The following SRRM4 variants were observed in gnomAD, a reference collection of about 807,000 sequenced individuals.
The protein encoded by SRRM4 is serine/arginine repetitive matrix protein 4.
In SRRM4, 33 loss-of-function variants were observed where a neutral mutation model predicts 68.9. That is an observed-to-expected ratio of 0.48 (90% confidence interval 0.36 to 0.64). The LOEUF (loss-of-function observed/expected upper bound fraction) is 0.64, where lower values mean the gene tolerates loss of function less well. Ranked by LOEUF, SRRM4 falls within the 30% of genes least tolerant of loss-of-function variation. The pLI, the probability that SRRM4 is intolerant of heterozygous loss-of-function variation, is 0.00. For synonymous variants in SRRM4, 318 were observed against 318.8 expected (o/e 1.00, Z 0.03); for missense variants, 817 against 827.1 (o/e 0.99, Z 0.15).
intron 5 of SRRM4, among the ~76,000 whole-genome samples, chr12:119,120,960 G>T (rs1954215754): frequency 1.3e-5 from 2 of 152,216 alleles, no homozygotes; most frequent in Non-Finnish European, 1.5e-5. Flanking sequence ...AGAGCAATCT[G>T]CAAAATGCAA....
At chr12:119,123,201 G>C (rs997612092) in intron 6 of SRRM4, among the ~76,000 whole-genome samples, 1 of 152,124 alleles carries the variant, frequency 6.6e-6, no homozygotes, top group Non-Finnish European at 1.5e-5. Context: ...TGCCCCAAAC[G>C]GTCTTTTCAC....
intron 1 of SRRM4, among the ~76,000 whole-genome samples, chr12:119,010,249 C>T (rs942264174): frequency 5.9e-5 from 9 of 152,206 alleles, no homozygotes; most frequent in African/African-American, 1.9e-4. Context: ...GACGGGGTTT[C>T]GCCATGTTGG....
intron 9 of SRRM4, among the ~76,000 whole-genome samples, chr12:119,148,457 A>G (rs1300127019): frequency 1.3e-5 from 2 of 152,250 alleles, no homozygotes; most frequent in African/African-American, 4.8e-5. Flanking sequence ...GCTATTATGC[A>G]GGAAAAATTG....
rs779236540 is a variant in SRRM4, at chr12:119,160,295, C to T, written c.*3497C>T. 1 of 45,596 alleles carries T rather than the reference C, an allele frequency of 2.2e-5. No homozygotes were observed. Among genetic ancestry groups the T allele is most frequent in the Non-Finnish European group, 4.4e-5 (1 of 22,908 alleles). 2.8% of individuals were successfully genotyped at this position (45,596 alleles called of 1,614,324 possible). ...TCTCTCTGTCTCTCTCTCTGTCTCT[C>T]TCTCTCTCTCTCTCTCTCTCTCTCT... On this transcript the variant is annotated 3_prime_UTR_variant, in exon 13 of 13. Coordinates refer to ENST00000267260, the MANE Select transcript of SRRM4 (RefSeq NM_194286.4).
At chr12:118,998,575 C>T (rs1415712268) in intron 1 of SRRM4, among the ~76,000 whole-genome samples, 2 of 152,222 alleles carry the variant, frequency 1.3e-5, no homozygotes, top group East Asian at 3.8e-4. Flanking sequence ...TCATCACATT[C>T]ACTATTTCAT....
intron 3 of SRRM4, among the ~76,000 whole-genome samples, chr12:119,115,655 A>G (rs990795688): frequency 2.0e-5 from 3 of 152,188 alleles, no homozygotes; most frequent in Non-Finnish European, 4.4e-5. Flanking sequence ...AGGAGATGAA[A>G]TTGAGGCAAG....
chr12:119,045,293 A>G (rs370781047), intron 1 of SRRM4, among the ~76,000 whole-genome samples: 2 of 123,618 alleles, frequency 1.6e-5, no homozygotes, highest in Non-Finnish European at 3.5e-5. Context: ...AGGAAGACCC[A>G]CCCCCGCCCC....
chr12:119,132,511 G>A (rs976480457), intron 8 of SRRM4, among the ~76,000 whole-genome samples: 2 of 152,176 alleles, frequency 1.3e-5, no homozygotes, highest in African/African-American at 4.8e-5. Context: ...GGAAGCAACT[G>A]GCTTATACAT....
intron 1 of SRRM4, among the ~76,000 whole-genome samples, chr12:119,056,040 C>T (rs1369996573): frequency 1.3e-5 from 2 of 152,218 alleles, no homozygotes; most frequent in Non-Finnish European, 2.9e-5. Context: ...TCCAGATTTG[C>T]TGTGTACACC....
chr12:119,144,327 G>A lies in SRRM4; in HGVS notation c.772-1054G>A, dbSNP rs185994936. On this transcript the variant is annotated intron_variant, in intron 8 of 12. Coordinates refer to ENST00000267260, the MANE Select transcript of SRRM4 (RefSeq NM_194286.4). ...ACTTGGGCCCTAAGGGATTGATTAG[G>A]TTGGCTAGGTTAGGTCCCCTTTATG... Among the ~76,000 whole-genome samples the A allele has an allele frequency of 1.1e-4, 17 of 152,280 alleles. No individual in the cohort carries two copies. The East Asian group carries it at 3.1e-3, about 28-fold the overall frequency.
At chr12:119,151,410 A>C (rs1408654779) in intron 10 of SRRM4, among the ~76,000 whole-genome samples, 190 bp downstream of exon 10, 2 of 150,562 alleles carry the variant, frequency 1.3e-5, no homozygotes, top group Non-Finnish European at 3.0e-5. Context: ...TCCCATCTGC[A>C]ATATGAAGAA....
intron 8 of SRRM4, chr12:119,133,204 A>C (rs1178879994): frequency 6.6e-6 from 1 of 152,220 alleles, no homozygotes; most frequent in Non-Finnish European, 1.5e-5. Context: ...TCAATGACAC[A>C]ATGTAAGTAA....
intron 1 of SRRM4, among the ~76,000 whole-genome samples, chr12:119,018,190 C>G (rs1244759505): frequency 1.3e-5 from 2 of 152,142 alleles, no homozygotes; most frequent in Admixed American, 6.5e-5. Context: ...AAATCTGTCT[C>G]TCTGTGCTGG....
At chr12:118,995,003 G>C (rs1953339958) in intron 1 of SRRM4, among the ~76,000 whole-genome samples, 1 of 152,162 alleles carries the variant, frequency 6.6e-6, no homozygotes, top group African/African-American at 2.4e-5. Flanking sequence ...GTCATACAGT[G>C]AATGGGAATC....
At chr12:118,986,532 T>G (rs1157944621) in intron 1 of SRRM4, among the ~76,000 whole-genome samples, 2 of 152,138 alleles carry the variant, frequency 1.3e-5, no homozygotes, top group African/African-American at 2.4e-5. Flanking sequence ...AGCAACAGAT[T>G]AGCTCTCTCC....
intron 1 of SRRM4, among the ~76,000 whole-genome samples, chr12:119,022,682 C>G (rs1953523627): frequency 6.6e-6 from 1 of 152,200 alleles, no homozygotes; most frequent in Non-Finnish European, 1.5e-5. Flanking sequence ...TCAGCATTAT[C>G]ACATATATCT....
intron 1 of SRRM4, among the ~76,000 whole-genome samples, chr12:119,010,081 C>A (rs933036552): frequency 6.6e-6 from 1 of 152,180 alleles, no homozygotes; most frequent in African/African-American, 2.4e-5. Context: ...GAGACCGAGT[C>A]TCTCTCTGTC....
At chr12:119,025,436 TTTTG>T (rs574586645) in intron 1 of SRRM4, among the ~76,000 whole-genome samples, 1 of 151,062 alleles carries the variant, frequency 6.6e-6, no homozygotes, top group Non-Finnish European at 1.5e-5. Flanking sequence ...GAGTTTTTTT[TTTTG>T]TTTGTTTGTT....
intron 1 of SRRM4, among the ~76,000 whole-genome samples, chr12:119,067,120 G>A (rs1040348382): frequency 4.7e-5 from 7 of 150,416 alleles, no homozygotes; most frequent in African/African-American, 1.5e-4. Flanking sequence ...CTGCTTTTGC[G>A]TGTCCACCCC....
Sources: gnomAD v4.1 joint callset for allele counts (sites outside exome capture counted in the v4.1 genomes callset) on GRCh38, gnomAD v4.1.1 for gene constraint, MANE v1.5 for transcripts, NCBI Gene and HGNC (gene_info 2026-07-23, HGNC 2026-07-21) for gene names.